The following SLC6A11 variants were observed in gnomAD, a reference collection of about 807,000 sequenced individuals.
SLC6A11 encodes sodium- and chloride-dependent GABA transporter 3.
Under a neutral mutation model 74.8 loss-of-function variants are expected in SLC6A11, and 25 were observed. That is an observed-to-expected ratio of 0.33 (90% confidence interval 0.24 to 0.47). The LOEUF is 0.47. Among genes scored for constraint, SLC6A11 ranks in the 20% least tolerant of loss-of-function variants. SLC6A11 has a pLI of 1.00. For synonymous variants in SLC6A11, 330 were observed against 330.2 expected (o/e 1.00, Z 0.01); for missense variants, 574 against 837.0 (o/e 0.69, Z 3.88).
At chr3:10,824,653 C>T (rs1694182754) in intron 4 of SLC6A11, 1 of 152,082 alleles carries the variant, frequency 6.6e-6, no homozygotes, top group Non-Finnish European at 1.5e-5. Context: ...CATATTGGTA[C>T]ATGTAGCTTT....
At chr3:10,837,067 C>G (rs995914411) in intron 4 of SLC6A11, among the ~76,000 whole-genome samples, 16 of 152,144 alleles carry the variant, frequency 1.1e-4, no homozygotes, top group African/African-American at 3.6e-4. Flanking sequence ...CTTGCTTAGC[C>G]TGGGTGGCAG....
At chr3:10,832,425 T>C (rs1694309575) in intron 4 of SLC6A11, among the ~76,000 whole-genome samples, 1 of 152,190 alleles carries the variant, frequency 6.6e-6, no homozygotes, top group African/African-American at 2.4e-5. Flanking sequence ...GATTTGCCAA[T>C]TCACCAAAGC....
chr3:10,925,503 A>G (rs1695591865), intron 8 of SLC6A11, among the ~76,000 whole-genome samples: 1 of 152,174 alleles, frequency 6.6e-6, no homozygotes, highest in Non-Finnish European at 1.5e-5. Flanking sequence ...CAGCAACTAA[A>G]ACAAGGGAGT....
intron 5 of SLC6A11, among the ~76,000 whole-genome samples, chr3:10,846,102 A>G (rs1694499386): frequency 6.6e-6 from 1 of 152,240 alleles, no homozygotes; most frequent in Non-Finnish European, 1.5e-5. Flanking sequence ...AGAGTTGAGT[A>G]TGGTCCATGC....
intron 5 of SLC6A11, among the ~76,000 whole-genome samples, chr3:10,853,310 G>A (rs1694599455): frequency 6.6e-6 from 1 of 152,196 alleles, no homozygotes; most frequent in Admixed American, 6.5e-5. Context: ...AGAGAGAGAT[G>A]ACATGAGCCT....
At chr3:10,851,601 T>G (rs1472949632) in intron 5 of SLC6A11, among the ~76,000 whole-genome samples, 1 of 152,240 alleles carries the variant, frequency 6.6e-6, no homozygotes, top group Non-Finnish European at 1.5e-5. Context: ...TGGCACCTTC[T>G]TCCCTCCAGG....
intron 4 of SLC6A11, among the ~76,000 whole-genome samples, chr3:10,842,133 G>A (rs1036263698): frequency 6.6e-6 from 1 of 152,192 alleles, no homozygotes; most frequent in Admixed American, 6.5e-5. Flanking sequence ...TTGGGAGCCG[G>A]TGTATTTCTC....
intron 6 of SLC6A11, among the ~76,000 whole-genome samples, chr3:10,896,519 C>A (rs775384910): frequency 6.6e-5 from 10 of 152,230 alleles, no homozygotes; most frequent in Non-Finnish European, 1.5e-4. Context: ...GGAACTCAAC[C>A]AGATCTGTCT....
At chr3:10,908,728 C>T (rs1695344928) in intron 6 of SLC6A11, among the ~76,000 whole-genome samples, 1 of 152,122 alleles carries the variant, frequency 6.6e-6, no homozygotes, top group East Asian at 1.9e-4. Context: ...GGTACTCTTT[C>T]AGAGTGTGAC....
chr3:10,920,840 A>C (rs941157201), intron 8 of SLC6A11, among the ~76,000 whole-genome samples: 4 of 152,340 alleles, frequency 2.6e-5, no homozygotes, highest in East Asian at 1.9e-4. Context: ...TGCTGTTGGC[A>C]TCAAGCAGGA....
At chr3:10,825,179 T>TCAAAAA in intron 4 of SLC6A11, 1 of 56,032 alleles carries the variant, frequency 1.8e-5, no homozygotes, top group South Asian at 6.3e-4. Context: ...CGAGACTGTC[T>TCAAAAA]CAAAAAAAAA....
intron 6 of SLC6A11, among the ~76,000 whole-genome samples, chr3:10,877,272 A>G (rs1694920453): frequency 6.6e-6 from 1 of 152,210 alleles, no homozygotes; most frequent in South Asian, 2.1e-4. Flanking sequence ...CATATTTGGT[A>G]ATTTAGGATT....
intron 4 of SLC6A11, among the ~76,000 whole-genome samples, chr3:10,831,251 C>T (rs1694292621): frequency 6.6e-6 from 1 of 152,160 alleles, no homozygotes; most frequent in Non-Finnish European, 1.5e-5. Context: ...ACTGGGGCTG[C>T]ACATAAGTTT....
chr3:10,872,313 G>A (rs575332023), intron 5 of SLC6A11, among the ~76,000 whole-genome samples: 6 of 152,218 alleles, frequency 3.9e-5, no homozygotes, highest in Non-Finnish European at 8.8e-5. Flanking sequence ...TGTTTCATGT[G>A]TGGAAGTGCT....
intron 10 of SLC6A11, 75 bp downstream of exon 10, chr3:10,929,414 C>G (rs1695653770): frequency 6.5e-7 from 1 of 1,540,874 alleles, no homozygotes; most frequent in South Asian, 1.2e-5. Flanking sequence ...AAGTGACCAG[C>G]TGTGTGACCC....
At chr3:10,934,216 C>G in intron 12 of SLC6A11, 50 bp downstream of exon 12, 1 of 1,290,564 alleles carries the variant, frequency 7.7e-7, no homozygotes. Flanking sequence ...ACCCATCTAC[C>G]CTCCAACCCA....
rs144780728 is a variant in SLC6A11 at position 10,835,175 on chromosome 3, C to T, written c.624-9039C>T. 2.7e-3 allele frequency among the ~76,000 whole-genome samples: 408 copies of T among 152,274 alleles called. 7 individuals carry two copies. The highest frequency in any genetic ancestry group is 0.023 in the East Asian group (117 of 5,166). On this transcript the variant is annotated intron_variant, in intron 4 of 13. Transcript: ENST00000254488. ...GGTGGGCCAGCTTTGCCTGAGCTTT[C>T]GGCTGCTCCTTGATGCAGATTTGCT...
At chr3:10,855,381 C>T (rs1694627147) in intron 5 of SLC6A11, among the ~76,000 whole-genome samples, 3 of 152,266 alleles carry the variant, frequency 2.0e-5, no homozygotes, top group African/African-American at 7.2e-5. Flanking sequence ...GATTCTCCAT[C>T]CCTTACTTCT....
chr3:10,822,858 G>T (rs2106571065), intron 3 of SLC6A11, among the ~76,000 whole-genome samples: 1 of 152,242 alleles, frequency 6.6e-6, no homozygotes, highest in South Asian at 2.1e-4. Flanking sequence ...TGTGGCATTA[G>T]CCCCTTTACA....
Sources: gnomAD v4.1 joint callset for allele counts (sites outside exome capture counted in the v4.1 genomes callset) on GRCh38, gnomAD v4.1.1 for gene constraint, MANE v1.5 for transcripts, NCBI Gene and HGNC (gene_info 2026-07-23, HGNC 2026-07-21) for gene names.